PDZRN4: variants seen among roughly 807,000 people sequenced by gnomAD.
PDZRN4 encodes PDZ domain containing ring finger 4.
In PDZRN4, 70 loss-of-function variants were observed where a neutral mutation model predicts 99.0. The ratio of observed to expected loss-of-function variants is 0.71; its 90% CI spans 0.58 to 0.86. The LOEUF is 0.86. Among genes scored for constraint, PDZRN4 ranks in the 40% least tolerant of loss-of-function variants. The pLI, the probability that PDZRN4 is intolerant of heterozygous loss-of-function variation, is 0.00. For missense variants in PDZRN4, 1,474 were observed against 1,331.2 expected, an observed-to-expected ratio of 1.11 and a Z score of -1.67; for synonymous variants, 551 against 501.6, an observed-to-expected ratio of 1.10 and a Z score of -1.32.
At chr12:41,490,647 A>T (rs1056624058) in intron 3 of PDZRN4, among the ~76,000 whole-genome samples, 1 of 152,094 alleles carries the variant, frequency 6.6e-6, no homozygotes, top group African/African-American at 2.4e-5. Context: ...GCACCTCCTC[A>T]TGAGTTCCTC....
intron 3 of PDZRN4, among the ~76,000 whole-genome samples, chr12:41,443,630 C>T (rs1592061147): frequency 6.6e-6 from 1 of 152,042 alleles, no homozygotes; most frequent in South Asian, 2.1e-4. Context: ...CAAGCGAAAC[C>T]AACCAGGAGG....
intron 8 of PDZRN4, among the ~76,000 whole-genome samples, chr12:41,565,146 C>T (rs909792783): frequency 2.0e-5 from 3 of 152,100 alleles, no homozygotes; most frequent in Non-Finnish European, 2.9e-5. Flanking sequence ...TCTGGCTACA[C>T]TTCTGACCTT....
intron 3 of PDZRN4, among the ~76,000 whole-genome samples, chr12:41,213,872 T>C (rs974210275): frequency 6.6e-6 from 1 of 152,074 alleles, no homozygotes; most frequent in East Asian, 1.9e-4. Context: ...CAGCTGCTTC[T>C]AGTATAGAAG....
chr12:41,457,584 G>T (rs1952826805), intron 3 of PDZRN4, among the ~76,000 whole-genome samples: 1 of 152,046 alleles, frequency 6.6e-6, no homozygotes, highest in African/African-American at 2.4e-5. Context: ...AGGGATTATT[G>T]TGTCCATTTG....
intron 3 of PDZRN4, among the ~76,000 whole-genome samples, chr12:41,351,577 G>GGA (rs767438537): frequency 6.2e-4 from 94 of 152,000 alleles, no homozygotes; most frequent in African/African-American, 2.1e-3. Context: ...ATGGCCAGAA[G>GGA]GAGAGAGAGA....
intron 3 of PDZRN4, among the ~76,000 whole-genome samples, chr12:41,419,959 A>T (rs947973331): frequency 2.0e-5 from 3 of 152,188 alleles, no homozygotes; most frequent in African/African-American, 7.2e-5. Flanking sequence ...TCTAAGAGGC[A>T]GTTTCCATGT....
chr12:41,568,694 T>A (rs1323803787), intron 9 of PDZRN4, among the ~76,000 whole-genome samples: 3 of 152,292 alleles, frequency 2.0e-5, no homozygotes, highest in African/African-American at 7.2e-5. Flanking sequence ...ACAAGTTCAA[T>A]GTATTCTAGA....
intron 3 of PDZRN4, among the ~76,000 whole-genome samples, chr12:41,226,869 T>C (rs1290647430): frequency 6.6e-6 from 1 of 152,186 alleles, no homozygotes; most frequent in Non-Finnish European, 1.5e-5. Flanking sequence ...GACCTATGCA[T>C]AGCATTCTTT....
intron 3 of PDZRN4, among the ~76,000 whole-genome samples, chr12:41,347,549 C>T (rs1951862202): frequency 6.6e-6 from 1 of 152,054 alleles, no homozygotes; most frequent in African/African-American, 2.4e-5. Context: ...GTACAAGTTC[C>T]TTATCAGATG....
intron 3 of PDZRN4, among the ~76,000 whole-genome samples, chr12:41,406,018 G>A (rs1276442876): frequency 6.6e-6 from 1 of 152,002 alleles, no homozygotes; most frequent in African/African-American, 2.4e-5. Flanking sequence ...CTACCTGGGT[G>A]TAATATACTC....
At chr12:41,261,163 T>C (rs1951236845) in intron 3 of PDZRN4, among the ~76,000 whole-genome samples, 1 of 152,144 alleles carries the variant, frequency 6.6e-6, no homozygotes, top group Non-Finnish European at 1.5e-5. Context: ...GGTTCAGGAA[T>C]TCCCTAGAGT....
intron 3 of PDZRN4, among the ~76,000 whole-genome samples, chr12:41,237,772 A>G (rs1482059036): frequency 6.6e-6 from 1 of 151,962 alleles, no homozygotes; most frequent in Non-Finnish European, 1.5e-5. Flanking sequence ...AAATTCACAT[A>G]GTTGTAGGTG....
intron 3 of PDZRN4, among the ~76,000 whole-genome samples, chr12:41,379,934 C>T (rs1323504558): frequency 6.6e-6 from 1 of 151,894 alleles, no homozygotes; most frequent in Non-Finnish European, 1.5e-5. Flanking sequence ...TTCCTTGTTT[C>T]CTACTATTAA....
chr12:41,301,826 G>C (rs1951537764), intron 3 of PDZRN4, among the ~76,000 whole-genome samples: 2 of 151,978 alleles, frequency 1.3e-5, no homozygotes, highest in Admixed American at 1.3e-4. Context: ...TTCTAGATTT[G>C]AGATCAAACC....
intron 5 of PDZRN4, among the ~76,000 whole-genome samples, chr12:41,529,573 T>C (rs765897868): frequency 6.6e-5 from 10 of 152,234 alleles, no homozygotes; most frequent in African/African-American, 2.2e-4. Context: ...ATAAAAGATA[T>C]ATGCACCTTC....
intron 3 of PDZRN4, among the ~76,000 whole-genome samples, chr12:41,397,913 G>A (rs1290463684): frequency 6.6e-6 from 1 of 152,060 alleles, no homozygotes; most frequent in Non-Finnish European, 1.5e-5. Flanking sequence ...GCCACTTATA[G>A]AGAAGAGAGG....
intron 3 of PDZRN4, among the ~76,000 whole-genome samples, chr12:41,323,291 G>A (rs1049869616): frequency 6.6e-6 from 1 of 152,034 alleles, no homozygotes; most frequent in South Asian, 2.1e-4. Context: ...ATTTGTATTG[G>A]AATGAAAGCT....
Position 41,188,850 on chromosome 12 carries a change from G to GA in PDZRN4, c.395_396insA (p.Cys133LeufsTer89). 2 of 1,258,774 alleles carry GA rather than the reference G, an allele frequency of 1.6e-6. No individual in the cohort carries two copies. Among genetic ancestry groups the GA allele is most frequent in the Non-Finnish European group, 2.0e-6 (2 of 1,002,474 alleles). 78.0% of individuals were successfully genotyped at this position (1,258,774 alleles called of 1,614,324 possible). On this transcript the variant is annotated frameshift_variant, in exon 1 of 10. Transcript: ENST00000402685. LOFTEE classifies it high-confidence loss of function. ...GGTGGTGAGGTGCCCGCGCGGGGGG[G>GA]CTGCGGTCCGACACCCAGGGCTGGC...
At chr12:41,346,061 A>G (rs190330161) in intron 3 of PDZRN4, among the ~76,000 whole-genome samples, 140 of 152,300 alleles carry the variant, frequency 9.2e-4, no homozygotes, top group African/African-American at 3.2e-3. Flanking sequence ...TTCCAATTGT[A>G]CAGATGATGA....
Sources: gnomAD v4.1 joint callset for allele counts (sites outside exome capture counted in the v4.1 genomes callset) on GRCh38, gnomAD v4.1.1 for gene constraint, MANE v1.5 for transcripts, NCBI Gene and HGNC (gene_info 2026-07-23, HGNC 2026-07-21) for gene names.